The following INTS4 variants were observed in gnomAD, a reference collection of about 807,000 sequenced individuals.
INTS4 encodes the protein MSTP093.
Under a neutral mutation model 119.5 loss-of-function variants are expected in INTS4, and 70 were observed. The observed-to-expected ratio is 0.59, with a 90% confidence interval of 0.48 to 0.71. The LOEUF (loss-of-function observed/expected upper bound fraction) is 0.71, where lower values mean the gene tolerates loss of function less well. Ranked by LOEUF, INTS4 falls within the 30% of genes least tolerant of loss-of-function variation. The probability of loss-of-function intolerance (pLI) is 0.00; values close to 1 mark genes in which losing one functional copy is unlikely to be tolerated. For missense variants in INTS4, 867 were observed against 1,173.2 expected, an observed-to-expected ratio of 0.74 and a Z score of 3.81; for synonymous variants, 316 against 419.6, an observed-to-expected ratio of 0.75 and a Z score of 3.02.
At chr11:77,918,400 G>C (rs951397698) in intron 15 of INTS4, 3 of 245,496 alleles carry the variant, frequency 1.2e-5, no homozygotes, top group Non-Finnish European at 2.3e-5. Flanking sequence ...CTGGGTGACA[G>C]GGTGAGACCC....
At chr11:77,977,509 T>G (rs1855999651) in intron 4 of INTS4, among the ~76,000 whole-genome samples, 1 of 151,896 alleles carries the variant, frequency 6.6e-6, no homozygotes, top group South Asian at 2.1e-4. Context: ...CAGCAATGTA[T>G]TTAAAGAAAA....
At chr11:77,909,086 G>C (rs945195009) in intron 15 of INTS4, among the ~76,000 whole-genome samples, 6 of 152,220 alleles carry the variant, frequency 3.9e-5, no homozygotes, top group Admixed American at 1.3e-4. Flanking sequence ...TGGTGTGTCT[G>C]TCTGTCTCTC....
Position 77,901,482 on chromosome 11 carries a change from G to A in INTS4, c.2167C>T (p.His723Tyr), listed in dbSNP as rs747752113. Reference protein sequence around the residue: ...GVENKQVVIIHHMRLQAKALQ... With the variant: ...GVENKQVVIIYHMRLQAKALQ... Reference sequence around the variant, plus strand: ...GCTTTGGCCTGCAGCCTCATGTGATGTATAATCACCACCTGCTTATTCTCC... The same window carrying A: ...GCTTTGGCCTGCAGCCTCATGTGATATATAATCACCACCTGCTTATTCTCC... Residue 723 changes from histidine to tyrosine, a missense_variant, in exon 18 of 23, where the codon CAT becomes TAT. His to Tyr is a moderately conservative substitution (Grantham distance 83). Transcript: ENST00000534064. 6.8e-6 allele frequency: 11 copies of A among 1,612,868 alleles called. No homozygotes were observed. The highest frequency in any genetic ancestry group is 8.5e-6 in the Non-Finnish European group (10 of 1,178,976).
At chr11:77,980,380 T>TA (rs1257776642) in intron 3 of INTS4, among the ~76,000 whole-genome samples, 2 of 152,276 alleles carry the variant, frequency 1.3e-5, no homozygotes, top group Admixed American at 1.3e-4. Flanking sequence ...TTTATTTTTT[T>TA]ATTTTAATTT....
chr11:77,921,621 C>T lies in INTS4; in HGVS notation c.1631-148G>A. 5 of 616,462 alleles carry T rather than the reference C, an allele frequency of 8.1e-6. No individual in the cohort carries two copies. The South Asian group carries it at 1.0e-4, about 13-fold the overall frequency. 38.2% of individuals were successfully genotyped at this position (616,462 alleles called of 1,614,324 possible). A position where few individuals can be genotyped will look rare whatever the true frequency, so the allele number is the denominator to read the frequency against. ...GCAAATACAAACAACAAAATACATT[C>T]CCCTACTCCACCCACACCCCCAATT... On this transcript the variant is annotated intron_variant, in intron 13 of 22. Coordinates refer to ENST00000534064, the MANE Select transcript of INTS4 (RefSeq NM_033547.4).
intron 14 of INTS4, among the ~76,000 whole-genome samples, chr11:77,920,244 T>C (rs199550337): frequency 1.8e-4 from 13 of 71,380 alleles, no homozygotes; most frequent in Non-Finnish European, 3.2e-4. Flanking sequence ...TATATACATA[T>C]ATATACATAT....
intron 18 of INTS4, among the ~76,000 whole-genome samples, chr11:77,898,495 A>G (rs1240458602): frequency 6.6e-6 from 1 of 152,182 alleles, no homozygotes; most frequent in East Asian, 1.9e-4. Context: ...GTAAGAGACA[A>G]ACAAAAGCAT....
chr11:77,912,469 A>G (rs964849332), intron 15 of INTS4, among the ~76,000 whole-genome samples: 4 of 152,182 alleles, frequency 2.6e-5, no homozygotes, highest in Admixed American at 2.6e-4. Context: ...AATCTATATG[A>G]TGCCACTATG....
intron 21 of INTS4, among the ~76,000 whole-genome samples, chr11:77,888,376 G>C (rs1385764615): frequency 6.6e-6 from 1 of 152,192 alleles, no homozygotes; most frequent in Non-Finnish European, 1.5e-5. Flanking sequence ...GTCATATGTA[G>C]AAAGCTGAAA....
Position 77,883,904 on chromosome 11 carries a change from C to G in INTS4, c.2641G>C (p.Asp881His), listed in dbSNP as rs747088921. 8 of 1,613,236 alleles carry G rather than the reference C, an allele frequency of 5.0e-6. No homozygotes were observed. Among genetic ancestry groups the G allele is most frequent in the Non-Finnish European group, 6.8e-6 (8 of 1,179,640 alleles). ...QAQMIHPKPADFRNPGPGRHR... is the reference protein window; with the variant it reads ...QAQMIHPKPAHFRNPGPGRHR... ...CGCCCTGGGCCAGGATTCCGGAAGT[C>G]TGCAGGCTTGGGGTGAATCATCTGA... Residue 881 changes from aspartate (D) to histidine (H), a missense_variant, in exon 22 of 23, where the codon GAC (aspartate) becomes CAC (histidine). This residue lies in a region of INTS4 where 122 missense variants were observed against 133.2 expected (regional missense o/e 0.92). Transcript: ENST00000534064.
chr11:77,953,111 G>A (rs1954234658), intron 8 of INTS4, among the ~76,000 whole-genome samples: 1 of 152,154 alleles, frequency 6.6e-6, no homozygotes, highest in Non-Finnish European at 1.5e-5. Context: ...TCATGAAAGC[G>A]CTTCACACAG....
intron 4 of INTS4, among the ~76,000 whole-genome samples, chr11:77,964,437 G>A (rs963567253): frequency 3.7e-4 from 57 of 152,042 alleles, no homozygotes; most frequent in Non-Finnish European, 7.9e-4. Flanking sequence ...AGCCGGGCAT[G>A]GTCGCGGGCA....
rs576335693 is a variant in INTS4 at position 77,981,830 on chromosome 11, T to G, written c.247-254A>C. Among the ~76,000 whole-genome samples the G allele has an allele frequency of 2.6e-5, 4 of 152,164 alleles. No homozygotes were observed. In the East Asian group the frequency reaches 7.7e-4, roughly 29 times the overall value. ...CAGCCTGGAGTGCAGTGCGTGATCT[T>G]GGCTCAATGCAACCTCTGCCGGGGA... On this transcript the variant is annotated intron_variant, in intron 2 of 22. Coordinates refer to ENST00000534064, the MANE Select transcript of INTS4 (RefSeq NM_033547.4).
chr11:77,970,117 C>T (rs1269566669), intron 4 of INTS4, among the ~76,000 whole-genome samples: 4 of 152,194 alleles, frequency 2.6e-5, no homozygotes, highest in African/African-American at 7.2e-5. Context: ...AACCATAGGG[C>T]CAGGTGCAGT....
intron 15 of INTS4, among the ~76,000 whole-genome samples, chr11:77,908,604 G>A (rs1953018766): frequency 6.6e-6 from 1 of 152,192 alleles, no homozygotes; most frequent in South Asian, 2.1e-4. Flanking sequence ...TGGGATTACA[G>A]GCGTGAGCCA....
intron 4 of INTS4, among the ~76,000 whole-genome samples, chr11:77,974,647 C>T (rs888671963): frequency 3.3e-5 from 5 of 150,576 alleles, no homozygotes; most frequent in Middle Eastern, 3.4e-3. Flanking sequence ...CTGCTACCCA[C>T]GCTAGAGTGC....
chr11:77,964,646 A>T (rs1855415118), intron 4 of INTS4, among the ~76,000 whole-genome samples: 1 of 151,970 alleles, frequency 6.6e-6, no homozygotes, highest in Admixed American at 6.6e-5. Flanking sequence ...ACTTCAAAAA[A>T]TAATGATTAT....
chr11:77,903,062 G>A (rs188744990), intron 17 of INTS4, among the ~76,000 whole-genome samples: 4 of 152,136 alleles, frequency 2.6e-5, no homozygotes, highest in Admixed American at 6.5e-5. Flanking sequence ...GAGCCACCGC[G>A]CCCGGCCCAA....
Position 77,935,540 on chromosome 11 carries a change from A to C in INTS4, c.1165+3111T>G, listed in dbSNP as rs1318136248. ...CTGAGGCCTGGAAAAGAACCACTCA[A>C]AACAATGAGAGGAAACAATCTCCAG... On this transcript the variant is annotated intron_variant, in intron 10 of 22. Coordinates refer to ENST00000534064, the MANE Select transcript of INTS4 (RefSeq NM_033547.4). Among the ~76,000 whole-genome samples, 4 of 152,270 alleles carry C rather than the reference A, an allele frequency of 2.6e-5. No individual in the cohort carries two copies. In the South Asian group the frequency reaches 8.3e-4, roughly 32 times the overall value.
Sources: gnomAD v4.1 joint callset for allele counts (sites outside exome capture counted in the v4.1 genomes callset) on GRCh38, gnomAD v4.1.1 for gene constraint, gnomAD v4.1.1 regional missense constraint, MANE v1.5 for transcripts, NCBI Gene and HGNC (gene_info 2026-07-23, HGNC 2026-07-21) for gene names.